The following RORB variants were observed in gnomAD, a reference collection of about 807,000 sequenced individuals.
RORB encodes RAR related orphan receptor B.
Under a neutral mutation model 59.1 loss-of-function variants are expected in RORB, and 6 were observed. The observed-to-expected ratio is 0.10, with a 90% CI of 0.06 to 0.20. The LOEUF (loss-of-function observed/expected upper bound fraction) is 0.20, where lower values mean the gene tolerates loss of function less well. RORB is among the 10% of genes least tolerant of loss of function. RORB has a pLI of 1.00. For synonymous variants in RORB, 215 were observed against 204.5 expected, an observed-to-expected ratio of 1.05 and a Z score of -0.44; for missense variants, 320 against 560.5, an observed-to-expected ratio of 0.57 and a Z score of 4.33.
intron 1 of RORB, among the ~76,000 whole-genome samples, chr9:74,573,601 A>C (rs1422651779): frequency 6.6e-6 from 1 of 152,042 alleles, no homozygotes; most frequent in Admixed American, 6.6e-5. Flanking sequence ...AATGACTTAC[A>C]CTGCTTCAAA....
chr9:74,570,420 A>T (rs374001604), intron 1 of RORB, among the ~76,000 whole-genome samples: 2 of 152,268 alleles, frequency 1.3e-5, no homozygotes, highest in South Asian at 4.1e-4. Flanking sequence ...CAAGGGAAAA[A>T]GTTGGTCTTA....
At chr9:74,545,867 C>A (rs1212983541) in intron 1 of RORB, among the ~76,000 whole-genome samples, 1 of 152,068 alleles carries the variant, frequency 6.6e-6, no homozygotes, top group Non-Finnish European at 1.5e-5. Flanking sequence ...ATTGATGGAC[C>A]TTTCGTAGAG....
chr9:74,539,418 C>T (rs894498099), intron 1 of RORB, among the ~76,000 whole-genome samples: 5 of 151,978 alleles, frequency 3.3e-5, no homozygotes, highest in African/African-American at 9.7e-5. Flanking sequence ...GGCTGTTGTT[C>T]GGATGAGAAC....
intron 9 of RORB, among the ~76,000 whole-genome samples, chr9:74,680,274 G>A (rs1486760815): frequency 1.3e-5 from 2 of 152,072 alleles, no homozygotes; most frequent in African/African-American, 2.4e-5. Context: ...CTACGAATTG[G>A]GAAGCCTTCC....
chr9:74,588,947 A>T (rs998751533), intron 1 of RORB, among the ~76,000 whole-genome samples: 3 of 152,162 alleles, frequency 2.0e-5, no homozygotes, highest in Non-Finnish European at 4.4e-5. Context: ...TTAAAAAAAA[A>T]AAATAAGAGA....
chr9:74,614,122 CT>C (rs1421276146), intron 1 of RORB, among the ~76,000 whole-genome samples: 3 of 152,166 alleles, frequency 2.0e-5, no homozygotes, highest in African/African-American at 7.2e-5. Context: ...AATGACAGTA[CT>C]GTTTGAAGTT....
chr9:74,497,932 TG>T lies in RORB; in HGVS notation c.-42del. 6.2e-7 allele frequency: 1 copy of T among 1,609,244 alleles called. No homozygotes were observed. Among genetic ancestry groups the T allele is most frequent in the South Asian group, 1.1e-5 (1 of 89,996 alleles). On this transcript the variant is annotated 5_prime_UTR_variant, in exon 1 of 10. Transcript: ENST00000376896. ...TTTTTGGGCTCTCCGGGGTTCGGGC[TG>T]GGAGCAGCTTCATGACTACGCGGAG...
chr9:74,566,375 T>A (rs894673678), intron 1 of RORB, among the ~76,000 whole-genome samples: 3 of 152,150 alleles, frequency 2.0e-5, no homozygotes, highest in Admixed American at 1.3e-4. Flanking sequence ...GAACATATTA[T>A]TTATGTTATT....
At chr9:74,584,782 C>T (rs1488334273) in intron 1 of RORB, among the ~76,000 whole-genome samples, 1 of 152,156 alleles carries the variant, frequency 6.6e-6, no homozygotes, top group Admixed American at 6.5e-5. Context: ...GACCCTCAGA[C>T]TCATGGAGCT....
intron 3 of RORB, among the ~76,000 whole-genome samples, chr9:74,641,040 C>A (rs1442270166): frequency 6.6e-6 from 1 of 152,166 alleles, no homozygotes; most frequent in Non-Finnish European, 1.5e-5. Context: ...ACTCCATTTC[C>A]TTCTTTCTCC....
At chr9:74,671,733 G>T in intron 8 of RORB, 56 bp from the exon 9 acceptor site, 1 of 1,072,486 alleles carries the variant, frequency 9.3e-7, no homozygotes, top group South Asian at 1.4e-5. Context: ...TATGTATGTG[G>T]GTGAAGCAAA....
At chr9:74,572,271 G>A (rs1051831229) in intron 1 of RORB, among the ~76,000 whole-genome samples, 2 of 152,036 alleles carry the variant, frequency 1.3e-5, no homozygotes, top group Non-Finnish European at 2.9e-5. Context: ...GGTTATGATG[G>A]GTACTGATAT....
chr9:74,509,770 G>T (rs1227857731), intron 1 of RORB, among the ~76,000 whole-genome samples: 1 of 151,980 alleles, frequency 6.6e-6, no homozygotes, highest in Non-Finnish European at 1.5e-5. Flanking sequence ...ATCCTTCTGT[G>T]TTGTGTACAA....
At chr9:74,636,498 G>A (rs1313650244) in intron 3 of RORB, among the ~76,000 whole-genome samples, 1 of 152,068 alleles carries the variant, frequency 6.6e-6, no homozygotes, top group Non-Finnish European at 1.5e-5. Flanking sequence ...TCTGAATCCC[G>A]TAACATAAAA....
intron 1 of RORB, among the ~76,000 whole-genome samples, chr9:74,589,732 G>A (rs1016091942): frequency 2.0e-5 from 3 of 152,128 alleles, no homozygotes; most frequent in Non-Finnish European, 2.9e-5. Flanking sequence ...CCCCACGCTC[G>A]CCTCCCCCAG....
At chr9:74,590,981 C>T (rs1285230069) in intron 1 of RORB, among the ~76,000 whole-genome samples, 2 of 151,886 alleles carry the variant, frequency 1.3e-5, no homozygotes, top group African/African-American at 4.8e-5. Flanking sequence ...ATTTTTAGTA[C>T]AGGTGGGGTT....
At chr9:74,522,858 G>A (rs576645768) in intron 1 of RORB, among the ~76,000 whole-genome samples, 2 of 151,586 alleles carry the variant, frequency 1.3e-5, no homozygotes, top group Non-Finnish European at 3.0e-5. Context: ...AATCACTACT[G>A]GTCTAAAAAA....
intron 1 of RORB, among the ~76,000 whole-genome samples, chr9:74,568,013 A>C (rs944247682): frequency 1.3e-5 from 2 of 152,168 alleles, no homozygotes; most frequent in African/African-American, 2.4e-5. Context: ...GCAAATCTGT[A>C]ATTTAAATGG....
intron 1 of RORB, among the ~76,000 whole-genome samples, chr9:74,579,401 G>A (rs1003534285): frequency 1.5e-4 from 23 of 151,866 alleles, no homozygotes; most frequent in African/African-American, 5.3e-4. Flanking sequence ...TTAAGTTGCT[G>A]GCAGCATCTT....
Sources: allele counts gnomAD v4.1 joint callset (sites outside exome capture counted in the v4.1 genomes callset), GRCh38; gene constraint gnomAD v4.1.1; transcripts MANE v1.5; gene names NCBI Gene and HGNC (gene_info 2026-07-23, HGNC 2026-07-21).